Variants in PTPRN2 observed in about 807,000 individuals in gnomAD.
PTPRN2 encodes the protein protein tyrosine phosphatase receptor type N2.
Under a neutral mutation model 118.8 loss-of-function variants are expected in PTPRN2, and 74 were observed. The observed-to-expected ratio is 0.62, with a 90% CI of 0.52 to 0.76. The LOEUF (loss-of-function observed/expected upper bound fraction) is 0.76. PTPRN2 is among the 30% of genes least tolerant of loss of function. PTPRN2 has a pLI of 0.00. For missense variants in PTPRN2, 1,481 were observed against 1,394.4 expected (o/e 1.06, Z -0.99); for synonymous variants, 641 against 608.0 (o/e 1.05, Z -0.80).
At position 157,975,260 on chromosome 7, in the gene PTPRN2, G is replaced by A. The variant is rs142831989; in HGVS notation, c.1724-76523C>T. On this transcript the variant is annotated intron_variant, in intron 11 of 22. Coordinates refer to ENST00000389418, the MANE Select transcript of PTPRN2 (RefSeq NM_002847.5). ...CCCCATGATTCCAACCACTGGATCCGAGCATCTGCACCCTGTATCCGTTTC... is the reference window on the plus strand; with the variant it reads ...CCCCATGATTCCAACCACTGGATCCAAGCATCTGCACCCTGTATCCGTTTC... 2.6e-3 allele frequency among the ~76,000 whole-genome samples: 391 copies of A among 152,214 alleles called. 2 individuals are homozygous for A. Among genetic ancestry groups the A allele is most frequent in the African/African-American group, 8.5e-3 (352 of 41,528 alleles).
intron 1 of PTPRN2, among the ~76,000 whole-genome samples, chr7:158,491,418 C>T (rs1178643749): frequency 6.6e-6 from 1 of 152,184 alleles, no homozygotes; most frequent in East Asian, 1.9e-4. Flanking sequence ...CGGGAGCCTC[C>T]AATCCAAGCA....
chr7:158,444,317 C>T (rs571043713), intron 2 of PTPRN2, among the ~76,000 whole-genome samples: 12 of 152,376 alleles, frequency 7.9e-5, no homozygotes, highest in South Asian at 2.1e-4. Flanking sequence ...CCCAGCCGGC[C>T]GTGAGCCCCA....
intron 11 of PTPRN2, among the ~76,000 whole-genome samples, chr7:157,971,004 T>C (rs1242935506): frequency 2.0e-5 from 3 of 152,186 alleles, no homozygotes; most frequent in Non-Finnish European, 4.4e-5. Context: ...TAAAGTCAGC[T>C]GAAATAATCC....
intron 11 of PTPRN2, among the ~76,000 whole-genome samples, chr7:157,979,106 G>C (rs903435127): frequency 2.6e-5 from 4 of 152,088 alleles, no homozygotes; most frequent in Admixed American, 6.5e-5. Flanking sequence ...CATCGCCCCC[G>C]CGGCCCTGGC....
At chr7:157,797,373 T>C (rs1804939655) in intron 12 of PTPRN2, among the ~76,000 whole-genome samples, 1 of 152,188 alleles carries the variant, frequency 6.6e-6, no homozygotes, top group African/African-American at 2.4e-5. Context: ...GAGGGTGATA[T>C]TTACACCTGA....
chr7:157,577,239 T>C (rs1330465902), intron 18 of PTPRN2, among the ~76,000 whole-genome samples: 1 of 152,138 alleles, frequency 6.6e-6, no homozygotes, highest in African/African-American at 2.4e-5. Context: ...AGCAAAAGGC[T>C]CACGGAGTCG....
rs1802527850 is a variant in PTPRN2 at position 158,318,424 on chromosome 7, A to G, written c.164-1492T>C. Reference sequence around the variant, plus strand: ...GAGACGGCCCAGCTCCCGTGCTCACAATGCAGAACAATCCTAGGCCTCAGG... The same window carrying G: ...GAGACGGCCCAGCTCCCGTGCTCACGATGCAGAACAATCCTAGGCCTCAGG... On this transcript the variant is annotated intron_variant, in intron 2 of 22. Transcript: ENST00000389418. Among the ~76,000 whole-genome samples, 8 of 152,316 alleles carry G rather than the reference A, an allele frequency of 5.3e-5. No individual in the cohort carries two copies. The South Asian group carries it at 1.7e-3, about 32-fold the overall frequency.
In PTPRN2 at chr7:158,349,962, C is replaced by T. The variant is rs148199621; in HGVS notation, c.164-33030G>A. Among the ~76,000 whole-genome samples the T allele has an allele frequency of 5.0e-3, 765 of 152,268 alleles. 9 individuals carry two copies. The highest frequency in any genetic ancestry group is 0.017 in the African/African-American group (717 of 41,534). On this transcript the variant is annotated intron_variant, in intron 2 of 22. Coordinates refer to ENST00000389418, the MANE Select transcript of PTPRN2 (RefSeq NM_002847.5). ...TGTCCAAGAACAAGGGCGTTACTAG[C>T]GCTCACGTGTTCCCCTTTGCAGACT... is the stretch of plus-strand genomic sequence containing the variant.
intron 3 of PTPRN2, among the ~76,000 whole-genome samples, chr7:158,229,660 C>T (rs915658805): frequency 5.9e-5 from 9 of 151,586 alleles, no homozygotes; most frequent in African/African-American, 2.2e-4. Flanking sequence ...TCAGTGAGCT[C>T]AAAGACAGGC....
chr7:157,707,503 G>A (rs1030987182), intron 12 of PTPRN2, among the ~76,000 whole-genome samples: 5 of 152,196 alleles, frequency 3.3e-5, no homozygotes, highest in East Asian at 1.9e-4. Context: ...ATGCTAACCC[G>A]CTGTAGTTTA....
Position 158,155,913 on chromosome 7 carries a change from G to A in PTPRN2, c.910+11018C>T, listed in dbSNP as rs920413153. The stretch of plus-strand genomic sequence containing the variant: ...GCTGGGGTCCAAAACTTGGGTATTT[G>A]CAGAGGATTCAGGTAAATTCAGTAG... On this transcript the variant is annotated intron_variant, in intron 6 of 22. Transcript: ENST00000389418. Among the ~76,000 whole-genome samples the A allele has an allele frequency of 1.4e-4, 22 of 152,214 alleles. 1 individual carries two copies. Among genetic ancestry groups the A allele is most frequent in the African/African-American group, 2.4e-5 (1 of 41,458 alleles).
chr7:158,384,913 A>C (rs1436724564), intron 2 of PTPRN2, among the ~76,000 whole-genome samples: 1 of 152,036 alleles, frequency 6.6e-6, no homozygotes, highest in Admixed American at 6.6e-5. Flanking sequence ...CAGTAAAATC[A>C]CCTGCCCGCC....
intron 21 of PTPRN2, among the ~76,000 whole-genome samples, chr7:157,554,491 C>T (rs1798786833): frequency 6.6e-6 from 1 of 152,210 alleles, no homozygotes; most frequent in Admixed American, 6.5e-5. Flanking sequence ...TGTCCCCCTT[C>T]ACTTGATAAA....
At chr7:157,907,048 A>G (rs1252816186) in intron 11 of PTPRN2, among the ~76,000 whole-genome samples, 1 of 152,220 alleles carries the variant, frequency 6.6e-6, no homozygotes, top group African/African-American at 2.4e-5. Context: ...GGAAGCAGCC[A>G]TGGAAGCTGT....
chr7:158,226,921 G>T (rs926451437), intron 3 of PTPRN2, among the ~76,000 whole-genome samples: 1 of 152,096 alleles, frequency 6.6e-6, no homozygotes, highest in African/African-American at 2.4e-5. Flanking sequence ...CTGGATCCAG[G>T]CGACAGGCTG....
intron 2 of PTPRN2, among the ~76,000 whole-genome samples, chr7:158,396,518 C>T (rs1047576102): frequency 6.6e-6 from 1 of 151,868 alleles, no homozygotes; most frequent in Non-Finnish European, 1.5e-5. Flanking sequence ...GAGCTGCTCC[C>T]CTCCTCGCCG....
intron 11 of PTPRN2, among the ~76,000 whole-genome samples, chr7:158,054,277 G>A (rs1311741836): frequency 1.3e-5 from 2 of 152,192 alleles, no homozygotes; most frequent in South Asian, 4.1e-4. Context: ...TGCGTGGGCC[G>A]ATTCGACTGT....
chr7:158,184,322 C>T lies in PTPRN2; in HGVS notation c.549+8005G>A, dbSNP rs986534959. On this transcript the variant is annotated intron_variant, in intron 5 of 22. Coordinates refer to ENST00000389418, the MANE Select transcript of PTPRN2 (RefSeq NM_002847.5). ...GTAGTTTTCATTGTACATTGTCTTA[C>T]ACATATTTTAGATTCAACCTCAATT... Among the ~76,000 whole-genome samples, 18 of 152,120 alleles carry T rather than the reference C, an allele frequency of 1.2e-4. 1 individual carries two copies. Among genetic ancestry groups the T allele is most frequent in the Non-Finnish European group, 2.4e-4 (16 of 68,030 alleles).
intron 12 of PTPRN2, among the ~76,000 whole-genome samples, chr7:157,880,861 G>C (rs190010536): frequency 1.2e-3 from 184 of 152,316 alleles, no homozygotes; most frequent in African/African-American, 4.2e-3. Flanking sequence ...AAATGGCATA[G>C]ATGTATTCCT....
Sources: gnomAD v4.1 joint callset for allele counts (sites outside exome capture counted in the v4.1 genomes callset) on GRCh38, gnomAD v4.1.1 for gene constraint, MANE v1.5 for transcripts, NCBI Gene and HGNC (gene_info 2026-07-23, HGNC 2026-07-21) for gene names.